ASTN2: variants seen among roughly 807,000 people sequenced by gnomAD.
The protein encoded by ASTN2 is astrotactin-2.
A neutral mutation model predicts 139.8 loss-of-function variants in ASTN2; 54 were observed. The ratio of observed to expected loss-of-function variants is 0.39; its 90% CI spans 0.31 to 0.48. The LOEUF is 0.48. Ranked by LOEUF, ASTN2 falls within the 20% of genes least tolerant of loss-of-function variation. The pLI, the probability that ASTN2 is intolerant of heterozygous loss-of-function variation, is 0.95. For missense variants in ASTN2, 1,565 were observed against 1,725.1 expected (o/e 0.91, Z 1.64); for synonymous variants, 756 against 719.5 (o/e 1.05, Z -0.81).
chr9:116,930,034 G>T (rs150621899), intron 10 of ASTN2, among the ~76,000 whole-genome samples: 1 of 152,262 alleles, frequency 6.6e-6, no homozygotes, highest in East Asian at 1.9e-4. Flanking sequence ...GAGGTCCAGG[G>T]TGTCCAGTTC....
chr9:117,225,535 G>GTGTATATATATATA lies in ASTN2; in HGVS notation c.631-10794_631-10793insTATATATATATACA, dbSNP rs372269409. Among the ~76,000 whole-genome samples the GTGTATATATATATA allele has an allele frequency of 1.1e-4, 7 of 63,962 alleles. No individual in the cohort carries two copies. The South Asian group carries it at 3.4e-3, about 31-fold the overall frequency. The allele number at this position is 63,962 out of a possible 152,430, so 42.0% of individuals were successfully genotyped here. On this transcript the variant is annotated intron_variant, in intron 2 of 22. Transcript: ENST00000313400. ...CAAGACCAGCCTGGCCAAGCTGTATGTATATATATATATATATATATATAT... is the reference window on the plus strand; with the variant it reads ...CAAGACCAGCCTGGCCAAGCTGTATGTGTATATATATATATATATATATATATATATATATATAT...
At chr9:117,056,980 A>T (rs1364681784) in intron 5 of ASTN2, among the ~76,000 whole-genome samples, 1 of 152,250 alleles carries the variant, frequency 6.6e-6, no homozygotes, top group Non-Finnish European at 1.5e-5. Flanking sequence ...TATTGACTTC[A>T]CAAGATTACT....
chr9:116,556,840 A>G (rs767067503), intron 19 of ASTN2, among the ~76,000 whole-genome samples: 3 of 152,192 alleles, frequency 2.0e-5, no homozygotes, highest in Admixed American at 6.5e-5. Context: ...AGTCATTAGT[A>G]TATATGTACG....
chr9:117,350,562 A>G (rs535948556), intron 1 of ASTN2, among the ~76,000 whole-genome samples: 1 of 151,848 alleles, frequency 6.6e-6, no homozygotes, highest in South Asian at 2.1e-4. Context: ...TTAAAAAAAA[A>G]AAGGAAAGAA....
chr9:116,677,339 T>C (rs1255755214), intron 16 of ASTN2, among the ~76,000 whole-genome samples: 3 of 152,184 alleles, frequency 2.0e-5, no homozygotes, highest in African/African-American at 7.2e-5. Context: ...TTTTCTTCAT[T>C]AAAATCTAGT....
At chr9:116,491,020 T>C (rs1194606757) in intron 19 of ASTN2, among the ~76,000 whole-genome samples, 2 of 152,338 alleles carry the variant, frequency 1.3e-5, no homozygotes, top group African/African-American at 4.8e-5. Context: ...CCCATAAACA[T>C]GTCAGGTCAG....
At chr9:116,639,802 T>C (rs1857244097) in intron 17 of ASTN2, among the ~76,000 whole-genome samples, 1 of 152,280 alleles carries the variant, frequency 6.6e-6, no homozygotes, top group South Asian at 2.1e-4. Flanking sequence ...TTTCCTTATC[T>C]AAAAAATGAA....
intron 19 of ASTN2, chr9:116,583,060 T>A (rs974611003): frequency 2.6e-5 from 4 of 152,342 alleles, no homozygotes; most frequent in Admixed American, 6.5e-5. Context: ...TGATACAGAA[T>A]TAGGCAATCC....
At chr9:117,202,223 CTG>C (rs776687511) in intron 3 of ASTN2, among the ~76,000 whole-genome samples, 5 of 152,034 alleles carry the variant, frequency 3.3e-5, no homozygotes, top group Admixed American at 6.6e-5. Flanking sequence ...TATTTTAAGC[CTG>C]TGTGTGTCTT....
chr9:116,519,140 AC>A (rs1465000163), intron 19 of ASTN2, among the ~76,000 whole-genome samples: 1 of 152,040 alleles, frequency 6.6e-6, no homozygotes, highest in Non-Finnish European at 1.5e-5. Flanking sequence ...TAAAAACTAT[AC>A]CCTAAAACAA....
At chr9:116,983,304 C>T (rs765381916) in intron 7 of ASTN2, among the ~76,000 whole-genome samples, 8 of 152,276 alleles carry the variant, frequency 5.3e-5, no homozygotes, top group Non-Finnish European at 1.0e-4. Flanking sequence ...TTGGGCATAA[C>T]ATTATGAGAG....
At chr9:117,316,322 C>T (rs1347417422) in intron 1 of ASTN2, among the ~76,000 whole-genome samples, 2 of 152,110 alleles carry the variant, frequency 1.3e-5, no homozygotes, top group East Asian at 3.9e-4. Context: ...TTAAATCTCA[C>T]TTGCAGGACA....
At chr9:116,868,592 G>C (rs1407248213) in intron 10 of ASTN2, among the ~76,000 whole-genome samples, 2 of 152,186 alleles carry the variant, frequency 1.3e-5, no homozygotes, top group Non-Finnish European at 2.9e-5. Context: ...GGAATAGAAG[G>C]GGAAAGCATA....
chr9:117,403,296 T>G (rs192255464), intron 1 of ASTN2, among the ~76,000 whole-genome samples: 103 of 152,232 alleles, frequency 6.8e-4, no homozygotes, highest in Middle Eastern at 3.4e-3. Context: ...TGTAAAAGTC[T>G]TGAAAAGAGT....
rs1030120382 is a variant in ASTN2 at position 116,993,876 on chromosome 9, A to ATATATATATATTTT, written c.1591+14215_1591+14216insAAAATATATATATA. On this transcript the variant is annotated intron_variant, in intron 7 of 22. Transcript: ENST00000313400. ...ATGATATATATATATATATATATAT[A>ATATATATATATTTT]TTTTAACTATATTACTATATATATT... is the stretch of plus-strand genomic sequence containing the variant. 4.9e-4 allele frequency among the ~76,000 whole-genome samples: 70 copies of ATATATATATATTTT among 142,046 alleles called. 1 individual carries two copies. The highest frequency in any genetic ancestry group is 8.2e-4 in the Non-Finnish European group (54 of 65,946). The allele number at this position is 142,046 out of a possible 152,430, so 93.2% of individuals were successfully genotyped here. A position where few individuals can be genotyped will look rare whatever the true frequency, so the allele number is the denominator to read the frequency against.
intron 6 of ASTN2, among the ~76,000 whole-genome samples, chr9:117,039,210 A>C (rs1385160995): frequency 6.6e-6 from 1 of 152,224 alleles, no homozygotes; most frequent in Non-Finnish European, 1.5e-5. Flanking sequence ...CTGGATAAAG[A>C]AAATGTGGTA....
At chr9:116,428,257 G>A (rs917224614) in intron 22 of ASTN2, among the ~76,000 whole-genome samples, 8 of 152,200 alleles carry the variant, frequency 5.3e-5, no homozygotes, top group Admixed American at 2.0e-4. Flanking sequence ...CGGGCACGGC[G>A]GCTCATGCCT....
At chr9:117,316,641 C>T (rs1779397310) in intron 1 of ASTN2, among the ~76,000 whole-genome samples, 1 of 152,114 alleles carries the variant, frequency 6.6e-6, no homozygotes, top group South Asian at 2.1e-4. Flanking sequence ...GACATCACTC[C>T]CTCAGAATTG....
At chr9:116,502,964 AAAG>A (rs928635469) in intron 19 of ASTN2, among the ~76,000 whole-genome samples, 1 of 142,690 alleles carries the variant, frequency 7.0e-6, no homozygotes, top group African/African-American at 2.6e-5. Flanking sequence ...AGGAGGAAGA[AAAG>A]AAGGGAAGGA....
Sources: allele counts gnomAD v4.1 joint callset (sites outside exome capture counted in the v4.1 genomes callset), GRCh38; gene constraint gnomAD v4.1.1; transcripts MANE v1.5; gene names NCBI Gene and HGNC (gene_info 2026-07-23, HGNC 2026-07-21).